KCNT2: variants seen among roughly 807,000 people sequenced by gnomAD.
KCNT2 encodes the protein potassium sodium-activated channel subfamily T member 2.
KCNT2 carries 67 observed loss-of-function variants against 153.8 expected under a neutral mutation model. The observed-to-expected ratio is 0.44, with a 90% CI of 0.36 to 0.53. KCNT2 has a LOEUF of 0.53. Ranked by LOEUF, KCNT2 falls within the 20% of genes least tolerant of loss-of-function variation. The probability of loss-of-function intolerance (pLI) is 0.00; values close to 1 mark genes in which losing one functional copy is unlikely to be tolerated. For missense variants in KCNT2, 975 were observed against 1,354.8 expected (o/e 0.72, Z 4.40); for synonymous variants, 500 against 458.8 (o/e 1.09, Z -1.15).
intron 1 of KCNT2, among the ~76,000 whole-genome samples, chr1:196,553,257 AT>A (rs1483148504): frequency 6.6e-6 from 1 of 151,288 alleles, no homozygotes; most frequent in Non-Finnish European, 1.5e-5. Flanking sequence ...AGCTATACTT[AT>A]ATGAGACAAA....
In KCNT2 at chr1:196,565,119, C is replaced by CA. The variant is rs61121913; in HGVS notation, c.95+43095dup. The stretch of plus-strand genomic sequence containing the variant: ...AATAGAAAAAAAAACAAATCAATAG[C>CA]AAAAAAAAAAAGCAATTTACAAATG... On this transcript the variant is annotated intron_variant, in intron 1 of 27. Transcript: ENST00000294725. Among the ~76,000 whole-genome samples the CA allele has an allele frequency of 7.1e-3, 910 of 128,626 alleles. 16 individuals carry two copies. The South Asian group carries it at 0.073, about 10-fold the overall frequency. 84.4% of individuals were successfully genotyped at this position (128,626 alleles called of 152,430 possible).
In KCNT2 at chr1:196,608,242, C is replaced by A. The variant is rs1430731293; in HGVS notation, c.68G>T (p.Gly23Val). The A allele has an allele frequency of 1.2e-6, 2 of 1,613,966 alleles. No homozygotes were observed. The stretch of plus-strand genomic sequence containing the variant: ...GTCGTCGTTTTGCCATCCTTGGTCC[C>A]CTAGCAGCAAATCTCGAAACCTGTA... Reference protein sequence around the residue: ...PRYRFRDLLLGDQGWQNDDRV... With the variant: ...PRYRFRDLLLVDQGWQNDDRV... Residue 23 changes from glycine (G) to valine (V), a missense_variant, in exon 1 of 28, where the codon GGG becomes GTG. Physicochemically the swap from Gly to Val is moderately radical, Grantham distance 109. Around this residue, in one of 6 missense-constraint regions of KCNT2, gnomAD observed 140 missense variants for 216.0 expected, o/e 0.65. Transcript: ENST00000294725.
At chr1:196,277,832 GT>G (rs1558092755) in intron 25 of KCNT2, among the ~76,000 whole-genome samples, 1 of 151,574 alleles carries the variant, frequency 6.6e-6, no homozygotes, top group African/African-American at 2.4e-5. Context: ...CTTATTCTGC[GT>G]TTTTATATAA....
chr1:196,411,534 G>A (rs543764427), intron 12 of KCNT2, among the ~76,000 whole-genome samples: 5 of 143,750 alleles, frequency 3.5e-5, no homozygotes, highest in Admixed American at 2.2e-4. Context: ...ATTTATTTAT[G>A]TCTCCTTCAA....
At chr1:196,284,467 A>T (rs1442976868) in intron 23 of KCNT2, among the ~76,000 whole-genome samples, 1 of 151,084 alleles carries the variant, frequency 6.6e-6, no homozygotes, top group Non-Finnish European at 1.5e-5. Flanking sequence ...ACAAGATTTT[A>T]TTTAAACAGA....
rs1665551927 is a variant in KCNT2 at position 196,608,388 on chromosome 1, G to T, written c.-79C>A. ...AAGAAAGAAAATATTGCGGAGTACA[G>T]GGAGAGGACTAACAAGACGCTGTGG... On this transcript the variant is annotated 5_prime_UTR_variant, in exon 1 of 28. In the 5' UTR this introduces an upstream ATG that the reference lacks. Transcript: ENST00000294725. The T allele has an allele frequency of 1.7e-6, 2 of 1,150,056 alleles. No individual in the cohort carries two copies. Among genetic ancestry groups the T allele is most frequent in the Non-Finnish European group, 2.6e-6 (2 of 763,870 alleles). The allele number at this position is 1,150,056 out of a possible 1,614,324, so 71.2% of individuals were successfully genotyped here. A position where few individuals can be genotyped will look rare whatever the true frequency, so the allele number is the denominator to read the frequency against.
At chr1:196,570,854 C>A (rs564702313) in intron 1 of KCNT2, among the ~76,000 whole-genome samples, 20 of 152,138 alleles carry the variant, frequency 1.3e-4, no homozygotes, top group African/African-American at 4.3e-4. Flanking sequence ...AACAGTTGCC[C>A]ATAACTAACT....
intron 14 of KCNT2, among the ~76,000 whole-genome samples, chr1:196,362,039 T>C (rs192312576): frequency 3.5e-4 from 54 of 152,132 alleles, no homozygotes; most frequent in Non-Finnish European, 5.9e-4. Context: ...CAAAATATAG[T>C]TCTCTGTCAC....
In KCNT2 at chr1:196,258,440, G is replaced by C. The variant is rs1656707512; in HGVS notation, c.2965C>G (p.Gln989Glu). Reference sequence around the variant, plus strand: ...CGGTGGTTGCTGCGGTGGTGCCCTTGTTCTTTGGAGTCTTTGGTGTCTTCC... The same window carrying C: ...CGGTGGTTGCTGCGGTGGTGCCCTTCTTCTTTGGAGTCTTTGGTGTCTTCC... The part of the protein sequence containing the change: ...EWEDTKDSKE[Q>E]GHHRSNHRNS... The change falls in exon 26 of 28, where the codon CAA (glutamine) becomes GAA (glutamate). Residue 989 changes from glutamine (Q) to glutamate (E), a missense_variant. By Grantham distance (29) the Gln-to-Glu change is conservative. This residue lies in a region of KCNT2 where 241 missense variants were observed against 271.1 expected (regional missense o/e 0.89). Transcript: ENST00000294725. The C allele has an allele frequency of 1.2e-6, 2 of 1,613,590 alleles. No homozygotes were observed. Among genetic ancestry groups the C allele is most frequent in the Admixed American group, 3.3e-5 (2 of 59,956 alleles).
chr1:196,436,427 G>A (rs1213620769), intron 8 of KCNT2, among the ~76,000 whole-genome samples: 1 of 151,486 alleles, frequency 6.6e-6, no homozygotes, highest in Non-Finnish European at 1.5e-5. Flanking sequence ...TGTTATATAA[G>A]AATTAAGGCA....
At chr1:196,405,363 T>C (rs530188202) in intron 12 of KCNT2, among the ~76,000 whole-genome samples, 1 of 151,616 alleles carries the variant, frequency 6.6e-6, no homozygotes, top group Admixed American at 6.6e-5. Context: ...CTGTTGCTAC[T>C]GTGAAACAGA....
At chr1:196,261,796 T>C (rs1009528951) in intron 25 of KCNT2, among the ~76,000 whole-genome samples, 3 of 151,952 alleles carry the variant, frequency 2.0e-5, no homozygotes, top group Non-Finnish European at 4.4e-5. Context: ...TACAGAACTC[T>C]GACTTTTCTA....
At chr1:196,261,602 G>A (rs1197597563) in intron 25 of KCNT2, among the ~76,000 whole-genome samples, 1 of 151,698 alleles carries the variant, frequency 6.6e-6, no homozygotes, top group African/African-American at 2.4e-5. Flanking sequence ...TCATATTTTG[G>A]GTGCACTTTT....
intron 25 of KCNT2, among the ~76,000 whole-genome samples, chr1:196,277,916 T>C (rs1417164308): frequency 6.6e-6 from 1 of 152,140 alleles, no homozygotes; most frequent in Non-Finnish European, 1.5e-5. Context: ...TAATATTTAA[T>C]TGATATCCCT....
rs925404466 is a variant in KCNT2, at chr1:196,331,010, C to G, written c.2103+146G>C. On this transcript the variant is annotated intron_variant, in intron 18 of 27. Coordinates refer to ENST00000294725, the MANE Select transcript of KCNT2 (RefSeq NM_198503.5). ...GCAGTTAAAAATGTAAAACTGACCA[C>G]TTTATATAAATTTACATTGGAAAAG... is the stretch of plus-strand genomic sequence containing the variant. The G allele has an allele frequency of 5.3e-6, 3 of 568,746 alleles. No individual in the cohort carries two copies. In the African/African-American group the frequency reaches 5.7e-5, roughly 11 times the overall value. The allele number at this position is 568,746 out of a possible 1,614,324, so 35.2% of individuals were successfully genotyped here.
chr1:196,354,626 A>G (rs1231329808), intron 14 of KCNT2, among the ~76,000 whole-genome samples: 1 of 151,764 alleles, frequency 6.6e-6, no homozygotes, highest in Non-Finnish European at 1.5e-5. Context: ...AAGATTAATG[A>G]GTTAAATATA....
intron 5 of KCNT2, among the ~76,000 whole-genome samples, chr1:196,477,299 G>A (rs191064000): frequency 6.6e-6 from 1 of 152,078 alleles, no homozygotes. Flanking sequence ...TAAAAAGTGA[G>A]AGAGGGACAG....
intron 1 of KCNT2, among the ~76,000 whole-genome samples, chr1:196,572,368 G>A (rs1039604339): frequency 2.0e-5 from 3 of 152,092 alleles, no homozygotes; most frequent in African/African-American, 7.2e-5. Context: ...TGTAAGTAGT[G>A]AGTGAGGATC....
At chr1:196,522,989 T>G (rs1217026431) in intron 1 of KCNT2, among the ~76,000 whole-genome samples, 1 of 152,204 alleles carries the variant, frequency 6.6e-6, no homozygotes, top group Admixed American at 6.5e-5. Flanking sequence ...TGGGTCCCCT[T>G]CCATGCTGTG....
Sources: allele counts gnomAD v4.1 joint callset (sites outside exome capture counted in the v4.1 genomes callset), GRCh38; gene constraint gnomAD v4.1.1; regional missense constraint gnomAD v4.1.1; transcripts MANE v1.5; gene names NCBI Gene and HGNC (gene_info 2026-07-23, HGNC 2026-07-21).